Variants in MAP2K4 observed in about 807,000 individuals in gnomAD.
MAP2K4 encodes the protein dual specificity mitogen-activated protein kinase kinase 4.
MAP2K4 carries 4 observed loss-of-function variants against 48.5 expected under a neutral mutation model. The ratio of observed to expected loss-of-function variants is 0.08; its 90% CI spans 0.04 to 0.19. The LOEUF is 0.19. MAP2K4 is among the 10% of genes least tolerant of loss of function. MAP2K4 has a pLI of 1.00. For synonymous variants in MAP2K4, 166 were observed against 173.1 expected (o/e 0.96, Z 0.32); for missense variants, 258 against 493.3 (o/e 0.52, Z 4.52).
chr17:12,034,781 C>T (rs1221739190), intron 1 of MAP2K4, among the ~76,000 whole-genome samples: 4 of 152,206 alleles, frequency 2.6e-5, no homozygotes, highest in African/African-American at 9.7e-5. Context: ...CACCTTTGCT[C>T]CTGCTGTTCT....
At chr17:12,099,639 T>A (rs1434904083) in intron 4 of MAP2K4, among the ~76,000 whole-genome samples, 1 of 152,200 alleles carries the variant, frequency 6.6e-6, no homozygotes, top group Non-Finnish European at 1.5e-5. Context: ...TTGGTTTAGA[T>A]AAGTTATTAG....
intron 9 of MAP2K4, among the ~76,000 whole-genome samples, 177 bp from the exon 10 acceptor site, chr17:12,139,662 T>C (rs988138837): frequency 6.6e-6 from 1 of 152,198 alleles, no homozygotes; most frequent in Non-Finnish European, 1.5e-5. Context: ...AATCTTCAGA[T>C]TATAGACTCA....
intron 1 of MAP2K4, among the ~76,000 whole-genome samples, chr17:12,052,215 C>T (rs185853026): frequency 6.6e-6 from 1 of 152,104 alleles, no homozygotes; most frequent in Non-Finnish European, 1.5e-5. Flanking sequence ...TACAGAATTA[C>T]TTAGTGTGTT....
intron 6 of MAP2K4, among the ~76,000 whole-genome samples, chr17:12,111,792 A>T (rs1252033279): frequency 2.0e-5 from 3 of 152,106 alleles, no homozygotes; most frequent in African/African-American, 7.2e-5. Context: ...GAAATTCATT[A>T]TCTGTCATAA....
At chr17:12,131,073 A>G (rs1174954445) in intron 9 of MAP2K4, among the ~76,000 whole-genome samples, 7 of 152,150 alleles carry the variant, frequency 4.6e-5, no homozygotes. Flanking sequence ...GATATGCACT[A>G]TATCTATCAT....
chr17:12,039,441 C>T (rs959139261), intron 1 of MAP2K4, among the ~76,000 whole-genome samples: 1 of 152,030 alleles, frequency 6.6e-6, no homozygotes, highest in African/African-American at 2.4e-5. Flanking sequence ...GTAATGAACC[C>T]CCATGTACCC....
At position 12,024,977 on chromosome 17, in the gene MAP2K4, G is replaced by C. The variant is rs55648538; in HGVS notation, c.115+3976G>C. 4.5e-4 allele frequency among the ~76,000 whole-genome samples: 69 copies of C among 152,252 alleles called. 3 individuals carry two copies. Among genetic ancestry groups the C allele is most frequent in the South Asian group, 3.7e-3 (18 of 4,828 alleles). On this transcript the variant is annotated intron_variant, in intron 1 of 10. Transcript: ENST00000353533. ...CAAATAGTACTAGATAGTATGGTTG[G>C]CATGTTAGAGAATAGCATATTCTGA...
chr17:12,083,802 G>A (rs1361637033), intron 3 of MAP2K4, among the ~76,000 whole-genome samples: 1 of 152,158 alleles, frequency 6.6e-6, no homozygotes, highest in Non-Finnish European at 1.5e-5. Context: ...TGACTGGATT[G>A]ACAGGCACAA....
At chr17:12,140,549 G>A (rs1011197565) in intron 10 of MAP2K4, among the ~76,000 whole-genome samples, 2 of 152,274 alleles carry the variant, frequency 1.3e-5, no homozygotes, top group Middle Eastern at 3.4e-3. Flanking sequence ...TAAAAGGTGG[G>A]TTAGTGAAGC....
intron 8 of MAP2K4, among the ~76,000 whole-genome samples, chr17:12,127,190 A>G (rs1029749999): frequency 6.6e-6 from 1 of 152,160 alleles, no homozygotes; most frequent in African/African-American, 2.4e-5. Flanking sequence ...ACTTTGATTT[A>G]CTTTACTTTG....
At chr17:12,051,789 A>G (rs924539131) in intron 1 of MAP2K4, among the ~76,000 whole-genome samples, 3 of 152,170 alleles carry the variant, frequency 2.0e-5, no homozygotes, top group Non-Finnish European at 2.9e-5. Context: ...ATCTGAATAC[A>G]TGGTGACAGA....
At position 12,054,980 on chromosome 17, in the gene MAP2K4, A is replaced by G; in HGVS notation, c.207A>G (p.Gln69=). ...TGAATCCCAATCCTACAGGAGTTCA[A>G]AACCCACACATGTGAGTATTCTTGG... is the stretch of plus-strand genomic sequence containing the variant. ...FTLNPNPTGV[Q]NPHIERLRTH... The change falls in exon 2 of 11, where the codon CAA becomes CAG. Residue 69 remains glutamine (Q), a synonymous_variant. Transcript: ENST00000353533. The G allele has an allele frequency of 1.2e-6, 2 of 1,605,200 alleles. No homozygotes were observed. Among genetic ancestry groups the G allele is most frequent in the East Asian group, 2.2e-5 (1 of 44,722 alleles).
At chr17:12,050,678 C>T (rs923395933) in intron 1 of MAP2K4, among the ~76,000 whole-genome samples, 3 of 152,070 alleles carry the variant, frequency 2.0e-5, no homozygotes, top group Non-Finnish European at 2.9e-5. Flanking sequence ...TTGTGGAAAG[C>T]AATGTTAAAA....
intron 1 of MAP2K4, among the ~76,000 whole-genome samples, chr17:12,037,336 A>T (rs1237543523): frequency 2.0e-5 from 3 of 152,162 alleles, no homozygotes; most frequent in Non-Finnish European, 4.4e-5. Context: ...AAGTTTACTG[A>T]CCTGCTAAGA....
intron 2 of MAP2K4, among the ~76,000 whole-genome samples, chr17:12,075,821 A>T (rs758880992): frequency 2.0e-5 from 3 of 152,230 alleles, no homozygotes; most frequent in African/African-American, 7.2e-5. Flanking sequence ...GTGTTAAAAT[A>T]TATTAAGTGA....
rs778639435 is a variant in MAP2K4, at chr17:12,141,397, T to C, written c.*137T>C. 4 of 685,970 alleles carry C rather than the reference T, an allele frequency of 5.8e-6. No homozygotes were observed. Among genetic ancestry groups the C allele is most frequent in the Non-Finnish European group, 1.1e-5 (4 of 380,408 alleles). The allele number at this position is 685,970 out of a possible 1,614,324, so 42.5% of individuals were successfully genotyped here. A position where few individuals can be genotyped will look rare whatever the true frequency, so the allele number is the denominator to read the frequency against. On this transcript the variant is annotated 3_prime_UTR_variant, in exon 11 of 11. Transcript: ENST00000353533. Reference sequence around the variant, plus strand: ...AAGATTGGTGTTCGTTTCCATCATGTCTGTATACTCCTGTCACCTAGAACG... The same window carrying C: ...AAGATTGGTGTTCGTTTCCATCATGCCTGTATACTCCTGTCACCTAGAACG...
chr17:12,102,469 G>A (rs557927094), intron 4 of MAP2K4, among the ~76,000 whole-genome samples: 4 of 152,206 alleles, frequency 2.6e-5, no homozygotes, highest in Admixed American at 6.5e-5. Context: ...GTATCTATGA[G>A]AGACATTGAT....
intron 1 of MAP2K4, among the ~76,000 whole-genome samples, chr17:12,042,008 C>G (rs1969802120): frequency 6.6e-6 from 1 of 151,794 alleles, no homozygotes; most frequent in African/African-American, 2.4e-5. Context: ...TGGCGAAACC[C>G]CGTCTCTATT....
chr17:12,142,426 T>G lies in MAP2K4; in HGVS notation c.*1166T>G, dbSNP rs1445060167. The G allele has an allele frequency of 4.3e-6, 1 of 232,784 alleles. No individual in the cohort carries two copies. Among genetic ancestry groups the G allele is most frequent in the African/African-American group, 2.2e-5 (1 of 45,310 alleles). 14.4% of individuals were successfully genotyped at this position (232,784 alleles called of 1,614,324 possible). ...CTTGCGCTTAATCCAATATTTTGCCTTTTTTCTATATCAAAAAACCTTTAC... is the reference window on the plus strand; with the variant it reads ...CTTGCGCTTAATCCAATATTTTGCCGTTTTTCTATATCAAAAAACCTTTAC... On this transcript the variant is annotated 3_prime_UTR_variant, in exon 11 of 11. Transcript: ENST00000353533.
Sources: allele counts gnomAD v4.1 joint callset (sites outside exome capture counted in the v4.1 genomes callset), GRCh38; gene constraint gnomAD v4.1.1; transcripts MANE v1.5; gene names NCBI Gene and HGNC (gene_info 2026-07-23, HGNC 2026-07-21).